SEMA6D: variants seen among roughly 807,000 people sequenced by gnomAD.
SEMA6D encodes the protein semaphorin-6D.
In SEMA6D, 35 loss-of-function variants were observed where a neutral mutation model predicts 106.6. The observed-to-expected ratio is 0.33, with a 90% CI of 0.25 to 0.44. The LOEUF is 0.44. Ranked by LOEUF, SEMA6D falls within the 20% of genes least tolerant of loss-of-function variation. SEMA6D has a pLI of 1.00. For missense variants in SEMA6D, 1,185 were observed against 1,345.9 expected, an observed-to-expected ratio of 0.88 and a Z score of 1.87; for synonymous variants, 499 against 487.7, an observed-to-expected ratio of 1.02 and a Z score of -0.31.
intron 1 of SEMA6D, among the ~76,000 whole-genome samples, chr15:47,362,017 A>G (rs1009088205): frequency 6.6e-6 from 1 of 152,264 alleles, no homozygotes; most frequent in African/African-American, 2.4e-5. Flanking sequence ...ATTAGACTTC[A>G]TAAATGTGTT....
intron 1 of SEMA6D, among the ~76,000 whole-genome samples, chr15:47,218,277 G>A (rs2030856350): frequency 6.6e-6 from 1 of 152,092 alleles, no homozygotes; most frequent in Admixed American, 6.6e-5. Flanking sequence ...ATCCAGTTCT[G>A]TTTTTGTCTT....
At chr15:47,407,381 A>C (rs1355625024) in intron 1 of SEMA6D, among the ~76,000 whole-genome samples, 2 of 148,302 alleles carry the variant, frequency 1.3e-5, no homozygotes, top group South Asian at 2.1e-4. Context: ...AAAAAAAAAA[A>C]AAAAAACCAA....
intron 1 of SEMA6D, among the ~76,000 whole-genome samples, chr15:47,185,196 A>G (rs1030734848): frequency 2.0e-5 from 3 of 152,050 alleles, no homozygotes. Context: ...GACTTGGAGG[A>G]GTGGGGGTCA....
intron 1 of SEMA6D, among the ~76,000 whole-genome samples, chr15:47,312,101 A>G (rs1170611274): frequency 6.6e-6 from 1 of 150,998 alleles, no homozygotes; most frequent in Non-Finnish European, 1.5e-5. Context: ...TTTAAATTGC[A>G]GTTGCAATTG....
intron 3 of SEMA6D, among the ~76,000 whole-genome samples, chr15:47,511,523 G>A (rs1249375434): frequency 6.6e-6 from 1 of 152,056 alleles, no homozygotes; most frequent in East Asian, 1.9e-4. Context: ...CCCCCCTCCT[G>A]CCACATGTGT....
chr15:47,752,760 G>A (rs952764152), intron 1 of SEMA6D, among the ~76,000 whole-genome samples: 2 of 152,158 alleles, frequency 1.3e-5, no homozygotes, highest in Non-Finnish European at 2.9e-5. Context: ...TGTAATCCCA[G>A]CATTTAGGGA....
rs2042724310 is a variant in SEMA6D at position 47,468,277 on chromosome 15, G to T, written c.-158-2197G>T. Among the ~76,000 whole-genome samples the T allele has an allele frequency of 3.3e-5, 5 of 152,260 alleles. No individual in the cohort carries two copies. In the South Asian group the frequency reaches 1.0e-3, roughly 32 times the overall value. ...ATTTCCATTATTGGCATTTTCTCAT[G>T]ATAGCAGAATTTATCCTGAATTAAC... On this transcript the variant is annotated intron_variant, in intron 2 of 19. Transcript: ENST00000558014.
At chr15:47,652,468 G>A (rs760927236) in intron 4 of SEMA6D, among the ~76,000 whole-genome samples, 24 of 151,974 alleles carry the variant, frequency 1.6e-4, no homozygotes, top group South Asian at 6.3e-4. Flanking sequence ...TCCTCACCCC[G>A]CCTGCCCGCT....
At chr15:47,488,776 CT>C (rs2043375197) in intron 3 of SEMA6D, among the ~76,000 whole-genome samples, 1 of 151,932 alleles carries the variant, frequency 6.6e-6, no homozygotes, top group Non-Finnish European at 1.5e-5. Context: ...GCCTTTGTGA[CT>C]AGAGTGTAGT....
At chr15:47,277,153 A>T (rs2034855274) in intron 1 of SEMA6D, among the ~76,000 whole-genome samples, 1 of 152,148 alleles carries the variant, frequency 6.6e-6, no homozygotes, top group Admixed American at 6.6e-5. Context: ...TGAGCAAAGA[A>T]AGTGATTTCT....
intron 1 of SEMA6D, chr15:47,396,846 T>A (rs542626706): frequency 6.6e-6 from 1 of 152,298 alleles, no homozygotes; most frequent in African/African-American, 2.4e-5. Context: ...ATACAAAGCC[T>A]TTTGTTTAAA....
chr15:47,256,941 G>A (rs2033833902), intron 1 of SEMA6D, among the ~76,000 whole-genome samples: 1 of 151,998 alleles, frequency 6.6e-6, no homozygotes, highest in South Asian at 2.1e-4. Context: ...CATGTCATTT[G>A]CAAATCAGAA....
At chr15:47,515,506 A>G (rs1472800258) in intron 3 of SEMA6D, among the ~76,000 whole-genome samples, 1 of 152,224 alleles carries the variant, frequency 6.6e-6, no homozygotes, top group Non-Finnish European at 1.5e-5. Flanking sequence ...TGATGAATGC[A>G]ATAGAGATAT....
intron 1 of SEMA6D, among the ~76,000 whole-genome samples, chr15:47,348,672 A>C (rs2038142698): frequency 1.4e-5 from 1 of 70,582 alleles, no homozygotes; most frequent in African/African-American, 4.9e-5. Flanking sequence ...TCAAGAGTAC[A>C]TCACACACAC....
chr15:47,366,148 C>T (rs903773980), intron 1 of SEMA6D, among the ~76,000 whole-genome samples: 2 of 152,192 alleles, frequency 1.3e-5, no homozygotes, highest in Non-Finnish European at 2.9e-5. Flanking sequence ...TTGTGTCACT[C>T]TGATCTGTTA....
intron 4 of SEMA6D, among the ~76,000 whole-genome samples, chr15:47,690,003 G>A (rs1250944382): frequency 6.6e-6 from 1 of 152,206 alleles, no homozygotes. Context: ...GGCCAGTTCT[G>A]CTGTTAAAAA....
rs182027171 is a variant in SEMA6D at position 47,243,457 on chromosome 15, G to A, written c.-239+59039G>A. ...AAAAAAGGCTTGTAATGATTTAATCGGAACCCAGCCCTTTGGGGAGTATTG... is the reference window on the plus strand; with the variant it reads ...AAAAAAGGCTTGTAATGATTTAATCAGAACCCAGCCCTTTGGGGAGTATTG... On this transcript the variant is annotated intron_variant, in intron 1 of 19. Coordinates refer to the SEMA6D transcript ENST00000558014. Among the ~76,000 whole-genome samples, 10 of 151,330 alleles carry A rather than the reference G, an allele frequency of 6.6e-5. No homozygotes were observed. In the South Asian group the frequency reaches 1.0e-3, roughly 16 times the overall value.
intron 1 of SEMA6D, among the ~76,000 whole-genome samples, chr15:47,319,041 A>G (rs959965612): frequency 2.0e-5 from 3 of 150,958 alleles, no homozygotes; most frequent in African/African-American, 7.3e-5. Context: ...TTTCAGTTTT[A>G]TTTCTCTTTG....
intron 8 of SEMA6D, 22 bp downstream of exon 8, chr15:47,762,341 G>A (rs72735863): frequency 2.3e-5 from 37 of 1,610,876 alleles, no homozygotes; most frequent in Admixed American, 1.8e-4. Context: ...GAGCAGTGTC[G>A]TGGGGTCACC....
Sources: gnomAD v4.1 joint callset for allele counts (sites outside exome capture counted in the v4.1 genomes callset) on GRCh38, gnomAD v4.1.1 for gene constraint, MANE v1.5 for transcripts, NCBI Gene and HGNC (gene_info 2026-07-23, HGNC 2026-07-21) for gene names.